Variants in EP400 observed in about 807,000 individuals in gnomAD.
EP400 encodes the protein E1A-binding protein p400.
EP400 carries 105 observed loss-of-function variants against 354.1 expected under a neutral mutation model. The observed-to-expected ratio is 0.30, with a 90% CI of 0.25 to 0.35. The LOEUF is 0.35. EP400 is among the 10% of genes least tolerant of loss of function. The pLI, the probability that EP400 is intolerant of heterozygous loss-of-function variation, is 1.00. For synonymous variants in EP400, 1,646 were observed against 1,716.9 expected, an observed-to-expected ratio of 0.96 and a Z score of 1.02; for missense variants, 3,280 against 4,121.0, an observed-to-expected ratio of 0.80 and a Z score of 5.59.
At chr12:131,950,689 G>T (rs1171944637) in intron 1 of EP400, among the ~76,000 whole-genome samples, 1 of 152,170 alleles carries the variant, frequency 6.6e-6, no homozygotes, top group Non-Finnish European at 1.5e-5. Context: ...ACACACCTGC[G>T]GCCCACGGGC....
chr12:132,026,780 C>G (rs1177103283), intron 25 of EP400, among the ~76,000 whole-genome samples: 1 of 152,184 alleles, frequency 6.6e-6, no homozygotes, highest in Non-Finnish European at 1.5e-5. Context: ...CAACCTCAGC[C>G]TCTCCTCTTG....
Position 132,018,152 on chromosome 12 carries a change from T to G in EP400, c.4111-58T>G. The G allele has an allele frequency of 6.3e-7, 1 of 1,595,694 alleles. No individual in the cohort carries two copies. Among genetic ancestry groups the G allele is most frequent in the Non-Finnish European group, 8.5e-7 (1 of 1,174,836 alleles). On this transcript the variant is annotated intron_variant, in intron 20 of 52. Coordinates refer to ENST00000389561, the MANE Select transcript of EP400 (RefSeq NM_015409.5). This position sits in a 1 kb window ranked among gnomAD's most constrained non-coding sequence, Gnocchi z 4.0. ...CCCTGCCATAGAAATCAGTTTTGAT[T>G]CTTAGGTGCTTTTTTTGCCTCTTCA...
intron 47 of EP400, 96 bp from the exon 48 acceptor site, chr12:132,064,572 T>A: frequency 3.4e-6 from 5 of 1,489,668 alleles, no homozygotes; most frequent in African/African-American, 1.4e-5. Context: ...CTTTGGTATT[T>A]AATGGGCAGT....
intron 13 of EP400, 72 bp from the exon 14 acceptor site, chr12:132,006,040 G>A: frequency 6.9e-7 from 1 of 1,451,570 alleles, no homozygotes; most frequent in Non-Finnish European, 9.3e-7. Flanking sequence ...ACTTTTTCCT[G>A]TTTTAAAAAA....
rs149562551 is a variant in EP400 at position 132,055,788 on chromosome 12, G to A, written c.7884+580G>A. Among the ~76,000 whole-genome samples the A allele has an allele frequency of 7.0e-3, 1,067 of 151,646 alleles. 13 individuals carry two copies. Among genetic ancestry groups the A allele is most frequent in the African/African-American group, 0.024 (1,009 of 41,290 alleles). On this transcript the variant is annotated intron_variant, in intron 45 of 52. Coordinates refer to ENST00000389561, the MANE Select transcript of EP400 (RefSeq NM_015409.5). ...TGTGTGTGTGAACTGTCCCCTCCCT[G>A]TAGGATGATTTTAGATAGGAGGTAG... is the stretch of plus-strand genomic sequence containing the variant.
At chr12:132,069,332 G>A (rs1896000638) in intron 50 of EP400, 163 bp from the exon 51 acceptor site, 1 of 968,008 alleles carries the variant, frequency 1.0e-6, no homozygotes, top group African/African-American at 1.6e-5. Context: ...GGCAGCGGCA[G>A]GGATGGGACA....
Position 132,079,175 on chromosome 12 carries a change from G to A in EP400, c.*1502G>A, listed in dbSNP as rs2136630593. ...AAGGTATTCTGTCCCACAGGTTTCT[G>A]TGGACAGCGATACAGCAGGAGTCAG... On this transcript the variant is annotated 3_prime_UTR_variant, in exon 53 of 53. Transcript: ENST00000389561. The A allele has an allele frequency of 6.6e-6, 1 of 152,384 alleles. No homozygotes were observed. Among genetic ancestry groups the A allele is most frequent in the East Asian group, 1.9e-4 (1 of 5,192 alleles). 9.4% of individuals were successfully genotyped at this position (152,384 alleles called of 1,614,324 possible).
chr12:132,048,966 A>G (rs1895205995), intron 39 of EP400, among the ~76,000 whole-genome samples: 1 of 152,116 alleles, frequency 6.6e-6, no homozygotes, highest in African/African-American at 2.4e-5. Flanking sequence ...GAGACCTAGA[A>G]TTTTCTCCAG....
chr12:132,038,215 C>T lies in EP400; in HGVS notation c.6207+119C>T, dbSNP rs1391976514. On this transcript the variant is annotated intron_variant, in intron 32 of 52. Coordinates refer to ENST00000389561, the MANE Select transcript of EP400 (RefSeq NM_015409.5). The surrounding 1 kb of genome is among the most constrained non-coding windows in gnomAD (Gnocchi z 4.2). Reference sequence around the variant, plus strand: ...CTCTTCCCTGGCCTGAAGCCCTCTTCCCGTCCCTGCTTTTGGAACCTCCCC... The same window carrying T: ...CTCTTCCCTGGCCTGAAGCCCTCTTTCCGTCCCTGCTTTTGGAACCTCCCC... The T allele has an allele frequency of 7.6e-7, 1 of 1,314,452 alleles. No individual in the cohort carries two copies. Among genetic ancestry groups the T allele is most frequent in the Non-Finnish European group, 1.0e-6 (1 of 963,306 alleles). The allele number at this position is 1,314,452 out of a possible 1,614,324, so 81.4% of individuals were successfully genotyped here.
In EP400 at chr12:132,075,696, A is replaced by G. The variant is rs7958673; in HGVS notation, c.9022-820A>G. 0.13 allele frequency: 19,612 copies of G among 152,276 alleles called. 1,879 individuals carry two copies. The highest frequency in any genetic ancestry group is 0.27 in the African/African-American group (11,060 of 41,500). 9.4% of individuals were successfully genotyped at this position (152,276 alleles called of 1,614,324 possible). The stretch of plus-strand genomic sequence containing the variant: ...TTATTTCGACCTTTGTTCATGTGTG[A>G]GTAAATCATGTAATTTCACATATTT... On this transcript the variant is annotated intron_variant, in intron 51 of 52. Transcript: ENST00000389561. The surrounding 1 kb of genome is among the most constrained non-coding windows in gnomAD (Gnocchi z 4.5).
intron 2 of EP400, chr12:131,963,636 A>G (rs758137215): frequency 4.4e-6 from 7 of 1,597,804 alleles, no homozygotes; most frequent in Admixed American, 1.7e-5. Context: ...AGCAGCAACC[A>G]TTTCAGGTAC....
At chr12:132,034,184 A>G (rs1894615663) in intron 30 of EP400, among the ~76,000 whole-genome samples, 1 of 152,158 alleles carries the variant, frequency 6.6e-6, no homozygotes, top group Non-Finnish European at 1.5e-5. Context: ...TCCATTCTGC[A>G]TTGTTGGCCC....
chr12:132,062,047 A>G lies in EP400; in HGVS notation c.7885-63A>G, dbSNP rs1895712238. 3 of 1,455,356 alleles carry G rather than the reference A, an allele frequency of 2.1e-6. No individual in the cohort carries two copies. The South Asian group carries it at 3.4e-5, about 17-fold the overall frequency. The allele number at this position is 1,455,356 out of a possible 1,614,324, so 90.2% of individuals were successfully genotyped here. A position where few individuals can be genotyped will look rare whatever the true frequency, so the allele number is the denominator to read the frequency against. ...GGGTGCTCTTGTCTTCCCTGCTCTG[A>G]GTGTGAACAGCCCTGAGTGCTGTGT... On this transcript the variant is annotated intron_variant, in intron 45 of 52. Coordinates refer to ENST00000389561, the MANE Select transcript of EP400 (RefSeq NM_015409.5).
chr12:131,964,763 T>C (rs571197225), intron 2 of EP400, among the ~76,000 whole-genome samples: 12 of 152,350 alleles, frequency 7.9e-5, no homozygotes, highest in Non-Finnish European at 1.5e-4. Context: ...TACTTCAGCA[T>C]GTATTAGATA....
chr12:131,983,271 T>C (rs1360575276), intron 5 of EP400, among the ~76,000 whole-genome samples: 1 of 152,246 alleles, frequency 6.6e-6, no homozygotes, highest in Non-Finnish European at 1.5e-5. Context: ...ACGTGCTCCC[T>C]GGACGCCTGC....
At chr12:132,055,521 AGG>A (rs1342445191) in intron 45 of EP400, among the ~76,000 whole-genome samples, 2 of 74,246 alleles carry the variant, frequency 2.7e-5, no homozygotes, top group Non-Finnish European at 5.0e-5. Context: ...TGTGAGGTGT[AGG>A]GGTGTGTGTG....
chr12:131,984,388 A>G (rs1892784403), intron 5 of EP400, among the ~76,000 whole-genome samples: 2 of 152,036 alleles, frequency 1.3e-5, no homozygotes, highest in South Asian at 4.1e-4. Context: ...TACTATCTCC[A>G]TTTTATAGAT....
chr12:131,988,827 C>G (rs12298042), intron 7 of EP400, among the ~76,000 whole-genome samples: 48,329 of 152,050 alleles, frequency 0.32, 14,003 homozygotes, highest in African/African-American at 0.78. Flanking sequence ...GTACTCTTAA[C>G]GCTATGGCCT....
rs1224227665 is a variant in EP400, at chr12:131,961,698, A to C, written c.1079A>C (p.Glu360Ala). 6.2e-7 allele frequency: 1 copy of C among 1,614,068 alleles called. No homozygotes were observed. The highest frequency in any genetic ancestry group is 1.3e-5 in the African/African-American group (1 of 74,936). Residue 360 changes from glutamate to alanine, a missense_variant, in exon 2 of 53, where the codon GAG becomes GCG. Glu to Ala is a moderately radical substitution (Grantham distance 107). Transcript: ENST00000389561. ...GAGGAGATTCCCCCAGCCTCTCCGG[A>C]GATGGCACAGATGAGGAAGCAGTGC... ...KLEEIPPASP[E>A]MAQMRKQCLD...
Sources: allele counts gnomAD v4.1 joint callset (sites outside exome capture counted in the v4.1 genomes callset), GRCh38; gene constraint gnomAD v4.1.1; non-coding constraint Gnocchi (gnomAD v3.1); transcripts MANE v1.5; gene names NCBI Gene and HGNC (gene_info 2026-07-23, HGNC 2026-07-21).